Variants in FGF12 observed in about 807,000 individuals in gnomAD.
FGF12 encodes fibroblast growth factor 12.
In FGF12, 14 loss-of-function variants were observed where a neutral mutation model predicts 23.6. The observed-to-expected ratio is 0.59, with a 90% CI of 0.39 to 0.93. The LOEUF (loss-of-function observed/expected upper bound fraction) is 0.93, where lower values mean the gene tolerates loss of function less well. Among genes scored for constraint, FGF12 ranks in the 40% least tolerant of loss-of-function variants. The probability of loss-of-function intolerance (pLI) is 0.00; values close to 1 mark genes in which losing one functional copy is unlikely to be tolerated. For synonymous variants in FGF12, 62 were observed against 77.3 expected, an observed-to-expected ratio of 0.80 and a Z score of 1.04; for missense variants, 175 against 217.8, an observed-to-expected ratio of 0.80 and a Z score of 1.24.
intron 2 of FGF12, among the ~76,000 whole-genome samples, chr3:192,614,847 A>G (rs926502319): frequency 7.9e-5 from 12 of 152,024 alleles, no homozygotes; most frequent in Non-Finnish European, 1.5e-5. Context: ...ATCTCTAGAC[A>G]GAGGAGCACT....
chr3:192,155,491 G>T (rs2108594279), intron 5 of FGF12, among the ~76,000 whole-genome samples: 1 of 152,216 alleles, frequency 6.6e-6, no homozygotes, highest in East Asian at 1.9e-4. Context: ...GAAAGGTGAG[G>T]TTCATTTGGG....
chr3:192,340,368 A>G (rs1373276322), intron 3 of FGF12, among the ~76,000 whole-genome samples: 1 of 152,194 alleles, frequency 6.6e-6, no homozygotes, highest in Admixed American at 6.5e-5. Context: ...CTACACTTGT[A>G]TAATACAAGG....
At chr3:192,529,704 A>T (rs1357934900) in intron 2 of FGF12, among the ~76,000 whole-genome samples, 1 of 152,224 alleles carries the variant, frequency 6.6e-6, no homozygotes, top group Non-Finnish European at 1.5e-5. Context: ...TCAAGGCAGA[A>T]GGTGAAAGGC....
intron 4 of FGF12, among the ~76,000 whole-genome samples, chr3:192,252,721 T>G (rs918394072): frequency 6.6e-6 from 1 of 151,786 alleles, no homozygotes; most frequent in African/African-American, 2.4e-5. Flanking sequence ...TCAGCTATGG[T>G]AGAAAAGAAA....
At chr3:192,637,285 C>G (rs35933211) in intron 2 of FGF12, among the ~76,000 whole-genome samples, 1 of 152,170 alleles carries the variant, frequency 6.6e-6, no homozygotes, top group East Asian at 1.9e-4. Context: ...GTGCAGGCCG[C>G]CTGGCATTTC....
chr3:192,582,176 A>C (rs1288602790), intron 2 of FGF12, among the ~76,000 whole-genome samples: 1 of 152,142 alleles, frequency 6.6e-6, no homozygotes, highest in Admixed American at 6.6e-5. Flanking sequence ...AAATAGTTTT[A>C]AACTTTCAAA....
chr3:192,617,838 C>G (rs747061738), intron 2 of FGF12, among the ~76,000 whole-genome samples: 1 of 151,966 alleles, frequency 6.6e-6, no homozygotes, highest in Non-Finnish European at 1.5e-5. Flanking sequence ...GAACAGGGTC[C>G]GAAACCCACA....
At chr3:192,680,820 G>T (rs1019967116) in intron 2 of FGF12, among the ~76,000 whole-genome samples, 1 of 152,130 alleles carries the variant, frequency 6.6e-6, no homozygotes, top group South Asian at 2.1e-4. Context: ...CTTACTATTT[G>T]CCAGGTCATT....
intron 2 of FGF12, among the ~76,000 whole-genome samples, chr3:192,639,026 G>GA (rs981805615): frequency 1.3e-5 from 2 of 152,040 alleles, no homozygotes; most frequent in Non-Finnish European, 2.9e-5. Flanking sequence ...TATGAATTGG[G>GA]AAAAAAATAT....
At chr3:192,293,078 T>G (rs556384574) in intron 4 of FGF12, among the ~76,000 whole-genome samples, 2 of 152,252 alleles carry the variant, frequency 1.3e-5, no homozygotes, top group Admixed American at 1.3e-4. Context: ...ACAACTGACT[T>G]CTTGAGAGGT....
chr3:192,189,486 T>G (rs879016978), intron 4 of FGF12, among the ~76,000 whole-genome samples: 1 of 152,180 alleles, frequency 6.6e-6, no homozygotes, highest in Non-Finnish European at 1.5e-5. Context: ...AAAATTTTTT[T>G]GTTGAAGCCC....
intron 2 of FGF12, among the ~76,000 whole-genome samples, chr3:192,399,685 T>C (rs1282469957): frequency 1.3e-5 from 2 of 152,252 alleles, no homozygotes; most frequent in African/African-American, 4.8e-5. Context: ...TCTAGGTGTT[T>C]GGCATTAGTA....
intron 4 of FGF12, among the ~76,000 whole-genome samples, chr3:192,242,315 G>C (rs1719661397): frequency 6.6e-6 from 1 of 152,150 alleles, no homozygotes; most frequent in South Asian, 2.1e-4. Context: ...GAGCTGTCCT[G>C]TTCATTATGG....
chr3:192,158,354 CTT>C (rs1178121673), intron 5 of FGF12, among the ~76,000 whole-genome samples: 1 of 111,786 alleles, frequency 8.9e-6, no homozygotes, highest in Admixed American at 9.2e-5. Flanking sequence ...TTCTTTCTTT[CTT>C]TCTTTCTTTC....
intron 2 of FGF12, among the ~76,000 whole-genome samples, chr3:192,629,490 C>T (rs1715305000): frequency 6.6e-6 from 1 of 152,234 alleles, no homozygotes; most frequent in Non-Finnish European, 1.5e-5. Flanking sequence ...ACTTCTGCAT[C>T]TGCAAAAATG....
intron 2 of FGF12, among the ~76,000 whole-genome samples, chr3:192,708,383 A>G (rs538779174): frequency 2.6e-5 from 4 of 152,324 alleles, no homozygotes; most frequent in South Asian, 2.1e-4. Context: ...GACTTTAGCT[A>G]CTTTATGCCT....
Position 192,372,395 on chromosome 3 carries a change from A to T in FGF12, c.14-11857T>A, listed in dbSNP as rs963328063. On this transcript the variant is annotated intron_variant, in intron 2 of 5. Transcript: ENST00000445105. ...GTCTATCATCTTTTCATACCATCACACACACACACACACACACACACACAC... is the reference window on the plus strand; with the variant it reads ...GTCTATCATCTTTTCATACCATCACTCACACACACACACACACACACACAC... Among the ~76,000 whole-genome samples, 237 of 105,644 alleles carry T rather than the reference A, an allele frequency of 2.2e-3. 3 individuals are homozygous for T. In the East Asian group the frequency reaches 0.037, roughly 16 times the overall value. 69.3% of individuals were successfully genotyped at this position (105,644 alleles called of 152,430 possible).
intron 2 of FGF12, among the ~76,000 whole-genome samples, chr3:192,512,388 T>A (rs1724504716): frequency 6.6e-6 from 1 of 152,070 alleles, no homozygotes; most frequent in Non-Finnish European, 1.5e-5. Flanking sequence ...AACACAATGA[T>A]AAAAGGACCT....
chr3:192,550,239 T>A (rs1275371115), intron 2 of FGF12, among the ~76,000 whole-genome samples: 1 of 151,250 alleles, frequency 6.6e-6, no homozygotes, highest in Non-Finnish European at 1.5e-5. Flanking sequence ...TGTACAGATA[T>A]ATATGTATGT....
Sources: gnomAD v4.1 joint callset for allele counts (sites outside exome capture counted in the v4.1 genomes callset) on GRCh38, gnomAD v4.1.1 for gene constraint, MANE v1.5 for transcripts, NCBI Gene and HGNC (gene_info 2026-07-23, HGNC 2026-07-21) for gene names.